ERMP1: variants seen among roughly 807,000 people sequenced by gnomAD.
The protein encoded by ERMP1 is endoplasmic reticulum metallopeptidase 1.
ERMP1 carries 86 observed loss-of-function variants against 92.0 expected under a neutral mutation model. The observed-to-expected ratio is 0.93, with a 90% CI of 0.79 to 1.12. The LOEUF (loss-of-function observed/expected upper bound fraction) is 1.12, where lower values mean the gene tolerates loss of function less well. ERMP1 is among the 50% of genes most tolerant of loss of function. ERMP1 has a pLI of 0.00. For synonymous variants in ERMP1, 530 were observed against 412.8 expected (o/e 1.28, Z -3.44); for missense variants, 1,342 against 1,116.3 (o/e 1.20, Z -2.88).
chr9:5,855,454 A>G (rs921201116), intron 6 of ERMP1, among the ~76,000 whole-genome samples: 1 of 152,238 alleles, frequency 6.6e-6, no homozygotes, highest in African/African-American at 2.4e-5. Context: ...GATGAGGAGA[A>G]CCAAAGACCA....
chr9:5,861,170 GGTGT>G (rs35593711), intron 5 of ERMP1, among the ~76,000 whole-genome samples: 4,734 of 101,888 alleles, frequency 0.046, 87 homozygotes, highest in African/African-American at 0.067. Flanking sequence ...TGGCTTAGGG[GGTGT>G]GTGTGTGTGT....
At chr9:5,835,353 C>T (rs1366832533), upstream of ERMP1, among the ~76,000 whole-genome samples, 9 of 143,888 alleles carry the variant, frequency 6.3e-5, no homozygotes, top group Admixed American at 3.5e-4. Context: ...ACAATGAACG[C>T]GCGCGCGCAT....
chr9:5,856,204 G>GTGTGT, intron 6 of ERMP1: 1 of 290,600 alleles, frequency 3.4e-6, no homozygotes, highest in Non-Finnish European at 7.0e-6. Flanking sequence ...GGGAGCCAGT[G>GTGTGT]CTGGGCATAC....
chr9:5,861,946 A>G (rs550878949), intron 5 of ERMP1, among the ~76,000 whole-genome samples: 2 of 152,198 alleles, frequency 1.3e-5, no homozygotes, highest in South Asian at 4.2e-4. Context: ...CCCTCTAGAC[A>G]CAATCCAACC....
intron 13 of ERMP1, among the ~76,000 whole-genome samples, chr9:5,794,222 T>A (rs1235751899): frequency 6.6e-6 from 1 of 151,966 alleles, no homozygotes; most frequent in Admixed American, 6.6e-5. Flanking sequence ...CAAGAAAAAA[T>A]TTTTAAATAC....
At chr9:5,853,885 G>T (rs1227303749) in intron 6 of ERMP1, among the ~76,000 whole-genome samples, 1 of 151,120 alleles carries the variant, frequency 6.6e-6, no homozygotes, top group Admixed American at 6.6e-5. Context: ...ACTGCTCTAG[G>T]GTGGTGAGAC....
intron 2 of ERMP1, 62 bp downstream of exon 2, chr9:5,830,665 G>T: frequency 7.2e-7 from 1 of 1,386,586 alleles, no homozygotes. Flanking sequence ...GTAGCTTGGG[G>T]TTATGTTAAT....
At chr9:5,789,278 T>A (rs978787960) in intron 13 of ERMP1, among the ~76,000 whole-genome samples, 1 of 151,974 alleles carries the variant, frequency 6.6e-6, no homozygotes, top group African/African-American at 2.4e-5. Flanking sequence ...AATAAAAAGT[T>A]TGATCAAATA....
In ERMP1 at chr9:5,785,679, T is replaced by C. The variant is rs1328253535; in HGVS notation, c.*1465A>G. 1 of 144,850 alleles carries C rather than the reference T, an allele frequency of 6.9e-6. No individual in the cohort carries two copies. Among genetic ancestry groups the C allele is most frequent in the Non-Finnish European group, 1.6e-5 (1 of 64,486 alleles). 9.0% of individuals were successfully genotyped at this position (144,850 alleles called of 1,614,324 possible). A position where few individuals can be genotyped will look rare whatever the true frequency, so the allele number is the denominator to read the frequency against. On this transcript the variant is annotated 3_prime_UTR_variant, in exon 15 of 15. Coordinates refer to ENST00000339450, the MANE Select transcript of ERMP1 (RefSeq NM_024896.3). ...CAAGGACGTTTTCTCCGGCAATGCA[T>C]ACTTACTGTGCTCTTTCTATTCAGA...
At chr9:5,834,941 A>T (rs143164364), upstream of ERMP1, among the ~76,000 whole-genome samples, 2 of 128,634 alleles carry the variant, frequency 1.6e-5, no homozygotes, top group African/African-American at 6.0e-5. Flanking sequence ...TTCAGTGAGG[A>T]TTAGATAGAT....
At chr9:5,798,761 G>T in intron 12 of ERMP1, 45 bp downstream of exon 12, 1 of 1,268,378 alleles carries the variant, frequency 7.9e-7, no homozygotes, top group Non-Finnish European at 1.1e-6. Context: ...ATGGTGACAA[G>T]ACTTGAGAAC....
At chr9:5,843,912 G>T (rs577001158) in intron 6 of ERMP1, among the ~76,000 whole-genome samples, 105 of 152,234 alleles carry the variant, frequency 6.9e-4, no homozygotes, top group Non-Finnish European at 1.1e-3. Flanking sequence ...TGTCCTGGGG[G>T]GAGGAAGGAT....
Position 5,812,154 on chromosome 9 carries a change from C to A in ERMP1, c.1085G>T (p.Arg362Ile). Residue 362 changes from arginine (R) to isoleucine (I), a missense_variant, in exon 6 of 15, where the codon AGA becomes ATA. Arg to Ile is a moderately conservative substitution (Grantham distance 97, BLOSUM62 -3). Transcript: ENST00000339450. ...TCTCTGAATGGAATCTGTTAGAATT[C>A]TGTCCGCTGTGTCATACTTGGTGTG... ...IYHTKYDTAD[R>I]ILTDSIQRAG... The A allele has an allele frequency of 1.2e-6, 2 of 1,610,696 alleles. No homozygotes were observed. The highest frequency in any genetic ancestry group is 1.7e-6 in the Non-Finnish European group (2 of 1,178,252).
At chr9:5,830,340 C>A (rs558304891) in intron 2 of ERMP1, among the ~76,000 whole-genome samples, 2 of 152,244 alleles carry the variant, frequency 1.3e-5, no homozygotes, top group Non-Finnish European at 2.9e-5. Context: ...CAGGGACTGT[C>A]CTTATGTGGT....
At chr9:5,852,254 T>TTTTTTTTG (rs1355644467) in intron 6 of ERMP1, among the ~76,000 whole-genome samples, 88 of 131,408 alleles carry the variant, frequency 6.7e-4, no homozygotes, top group Non-Finnish European at 1.2e-3. Flanking sequence ...AGCAGAGTGT[T>TTTTTTTTG]TTTTTTTGTT....
In ERMP1 at chr9:5,809,786, C is replaced by T. The variant is rs76795149; in HGVS notation, c.1548+225G>A. ...AACAAGCCTTCCAGTCACCACCACCCTAACACTGTTAACAGCCCGGCTTTA... is the reference window on the plus strand; with the variant it reads ...AACAAGCCTTCCAGTCACCACCACCTTAACACTGTTAACAGCCCGGCTTTA... On this transcript the variant is annotated intron_variant, in intron 8 of 14. Coordinates refer to ENST00000339450, the MANE Select transcript of ERMP1 (RefSeq NM_024896.3). Among the ~76,000 whole-genome samples the T allele has an allele frequency of 9.8e-3, 1,492 of 152,328 alleles. 11 individuals carry two copies. Among genetic ancestry groups the T allele is most frequent in the Non-Finnish European group, 0.016 (1,096 of 68,020 alleles).
At chr9:5,863,335 C>T (rs548428517) in intron 5 of ERMP1, among the ~76,000 whole-genome samples, 105 of 152,320 alleles carry the variant, frequency 6.9e-4, no homozygotes, top group Non-Finnish European at 1.1e-3. Context: ...TGGGATTTGG[C>T]ATATCCCAAG....
intron 11 of ERMP1, among the ~76,000 whole-genome samples, chr9:5,799,659 G>T (rs149549902): frequency 3.9e-4 from 60 of 152,304 alleles, no homozygotes; most frequent in Non-Finnish European, 5.9e-4. Context: ...GGTATACTCT[G>T]TTGCTGCTTT....
rs748382987 is a variant in ERMP1, at chr9:5,801,551, T to C, written c.1915-223A>G. On this transcript the variant is annotated intron_variant, in intron 10 of 14. Coordinates refer to ENST00000339450, the MANE Select transcript of ERMP1 (RefSeq NM_024896.3). ...AATGACAGATGCCTCCAATCTGCCA[T>C]GATGGTGCCACCTTTTTGGCATGCA... is the stretch of plus-strand genomic sequence containing the variant. 1.4e-4 allele frequency among the ~76,000 whole-genome samples: 22 copies of C among 152,292 alleles called. 1 individual carries two copies. The highest frequency in any genetic ancestry group is 2.6e-4 in the Non-Finnish European group (18 of 68,026).
Sources: allele counts gnomAD v4.1 joint callset (sites outside exome capture counted in the v4.1 genomes callset), GRCh38; gene constraint gnomAD v4.1.1; transcripts MANE v1.5; gene names NCBI Gene and HGNC (gene_info 2026-07-23, HGNC 2026-07-21).